The following PRH1 variants were observed in gnomAD, a reference collection of about 807,000 sequenced individuals.
The protein encoded by PRH1 is proline rich protein HaeIII subfamily 1.
A neutral mutation model predicts 7.9 loss-of-function variants in PRH1; 7 were observed. The ratio of observed to expected loss-of-function variants is 0.89; its 90% CI spans 0.50 to 1.67. The LOEUF is 1.67. Among genes scored for constraint, PRH1 ranks in the 40% most tolerant of loss-of-function variants. The probability of loss-of-function intolerance (pLI) is 0.00; values close to 1 mark genes in which losing one functional copy is unlikely to be tolerated. For synonymous variants in PRH1, 45 were observed against 80.8 expected (o/e 0.56, Z 2.38); for missense variants, 109 against 223.6 (o/e 0.49, Z 3.27).
At chr12:10,924,996 A>G (rs140027465) in intron 2 of PRH1, among the ~76,000 whole-genome samples, 2,196 of 151,960 alleles carry the variant, frequency 0.014, 56 homozygotes, top group African/African-American at 0.05. Context: ...TTGTGTCTCT[A>G]TCTCCTTCAA....
At chr12:10,968,818 G>A (rs10845257) in intron 2 of PRH1, among the ~76,000 whole-genome samples, 37,022 of 152,104 alleles carry the variant, frequency 0.24, 4,557 homozygotes, top group Non-Finnish European at 0.25. Flanking sequence ...AGCAGCATCT[G>A]GGGGGGTGCC....
intron 1 of PRH1, among the ~76,000 whole-genome samples, chr12:11,090,904 G>T (rs1369966852): frequency 1.1e-5 from 1 of 90,654 alleles, no homozygotes. Flanking sequence ...ATTTTTCCGG[G>T]GATAAGCTCT....
intron 1 of PRH1, among the ~76,000 whole-genome samples, chr12:11,086,115 C>T (rs1944682362): frequency 1.4e-4 from 2 of 14,408 alleles, no homozygotes; most frequent in East Asian, 0.019. Context: ...CCCCCCCCCA[C>T]ACACACACCC....
At chr12:11,101,255 A>G (rs1359792969) in intron 1 of PRH1, among the ~76,000 whole-genome samples, 1 of 152,180 alleles carries the variant, frequency 6.6e-6, no homozygotes, top group African/African-American at 2.4e-5. Context: ...TGGGAGGCTG[A>G]GGCAGGTGGA....
intron 1 of PRH1, among the ~76,000 whole-genome samples, chr12:11,071,283 T>A (rs1479569442): frequency 2.6e-5 from 4 of 151,866 alleles, no homozygotes; most frequent in African/African-American, 7.2e-5. Context: ...ATGGAAAGCA[T>A]ACCTACTTGG....
chr12:10,883,327 C>T (rs1949438769), intron 1 of PRH1, among the ~76,000 whole-genome samples: 1 of 152,178 alleles, frequency 6.6e-6, no homozygotes, highest in Admixed American at 6.5e-5. Context: ...TGTTTGTCCT[C>T]TTTTGATTCC....
At chr12:11,103,654 T>C (rs924080922) in intron 1 of PRH1, among the ~76,000 whole-genome samples, 3 of 151,876 alleles carry the variant, frequency 2.0e-5, no homozygotes, top group Non-Finnish European at 4.4e-5. Flanking sequence ...AACCTGCACA[T>C]TGTGCACATG....
chr12:11,066,486 T>C (rs1256579535), intron 1 of PRH1, among the ~76,000 whole-genome samples: 3 of 151,958 alleles, frequency 2.0e-5, no homozygotes, highest in East Asian at 1.9e-4. Flanking sequence ...AAATAAGCTA[T>C]ACTTAATTTC....
chr12:10,942,892 A>G (rs570716506), intron 2 of PRH1, among the ~76,000 whole-genome samples: 5 of 152,078 alleles, frequency 3.3e-5, no homozygotes, highest in Non-Finnish European at 7.4e-5. Flanking sequence ...TGCTCCCTCT[A>G]TTCCTGTATT....
chr12:11,102,404 C>T (rs1024776896), intron 1 of PRH1, among the ~76,000 whole-genome samples: 8 of 152,208 alleles, frequency 5.3e-5, no homozygotes, highest in African/African-American at 1.4e-4. Context: ...CTACAACCAT[C>T]TGATCTTTGG....
At chr12:11,046,088 A>G (rs1240887521) in intron 1 of PRH1, among the ~76,000 whole-genome samples, 1 of 152,180 alleles carries the variant, frequency 6.6e-6, no homozygotes, top group Non-Finnish European at 1.5e-5. Context: ...CTTCAATTAC[A>G]TAACTTCCAG....
chr12:11,168,272 GAAA>G (rs1565725491), intron 1 of PRH1, among the ~76,000 whole-genome samples: 490 of 32,010 alleles, frequency 0.015, 94 homozygotes, highest in Admixed American at 0.037. Context: ...AAGAAAGAAA[GAAA>G]GAAAGAAAGA....
chr12:11,139,683 G>A (rs1946652076), intron 1 of PRH1, among the ~76,000 whole-genome samples: 1 of 152,018 alleles, frequency 6.6e-6, no homozygotes, highest in African/African-American at 2.4e-5. Context: ...TATCCATTTG[G>A]AGGACTGACA....
chr12:11,128,221 G>A (rs1475503185), intron 1 of PRH1, among the ~76,000 whole-genome samples: 1 of 151,856 alleles, frequency 6.6e-6, no homozygotes, highest in Non-Finnish European at 1.5e-5. Context: ...CTCTGTGTAT[G>A]AATATTCACT....
At chr12:10,909,093 G>A (rs1949854656) in intron 2 of PRH1, 1 of 1,613,460 alleles carries the variant, frequency 6.2e-7, no homozygotes, top group Non-Finnish European at 8.5e-7. Flanking sequence ...ATAATGCAGA[G>A]CTAAAAACCA....
At chr12:11,150,619 A>G (rs1184551539) in intron 1 of PRH1, among the ~76,000 whole-genome samples, 1 of 152,122 alleles carries the variant, frequency 6.6e-6, no homozygotes, top group Non-Finnish European at 1.5e-5. Flanking sequence ...GAATTGAACA[A>G]TGAGAACACA....
At chr12:10,978,912 C>G (rs1006020764) in intron 1 of PRH1, among the ~76,000 whole-genome samples, 3 of 148,232 alleles carry the variant, frequency 2.0e-5, no homozygotes, top group Admixed American at 1.3e-4. Flanking sequence ...AACAAACAAA[C>G]AAACAAACAA....
intron 1 of PRH1, among the ~76,000 whole-genome samples, chr12:11,037,752 GT>G (rs1942499673): frequency 6.6e-6 from 1 of 152,216 alleles, no homozygotes; most frequent in South Asian, 2.1e-4. Context: ...TTTAAGAAAA[GT>G]TTTAGGTCAG....
At chr12:10,984,829 C>A (rs945991795) in intron 1 of PRH1, among the ~76,000 whole-genome samples, 1 of 151,810 alleles carries the variant, frequency 6.6e-6, no homozygotes, top group Non-Finnish European at 1.5e-5. Flanking sequence ...TTATTTGCAA[C>A]TAGATTATAA....
Sources: allele counts gnomAD v4.1 joint callset (sites outside exome capture counted in the v4.1 genomes callset), GRCh38; gene constraint gnomAD v4.1.1; transcripts MANE v1.5; gene names NCBI Gene and HGNC (gene_info 2026-07-23, HGNC 2026-07-21).